The following CTNNA3 variants were observed in gnomAD, a reference collection of about 807,000 sequenced individuals.
The protein encoded by CTNNA3 is catenin alpha-3.
In CTNNA3, 76 loss-of-function variants were observed where a neutral mutation model predicts 95.7. That is an observed-to-expected ratio of 0.79 (90% CI 0.66 to 0.96). CTNNA3 has a LOEUF of 0.96. CTNNA3 is among the 40% of genes least tolerant of loss of function. CTNNA3 has a pLI of 0.00. For missense variants in CTNNA3, 1,191 were observed against 1,089.8 expected, an observed-to-expected ratio of 1.09 and a Z score of -1.31; for synonymous variants, 431 against 374.4, an observed-to-expected ratio of 1.15 and a Z score of -1.74.
intron 9 of CTNNA3, among the ~76,000 whole-genome samples, chr10:66,644,531 A>G (rs1845638709): frequency 6.6e-6 from 1 of 150,538 alleles, no homozygotes; most frequent in African/African-American, 2.4e-5. Context: ...AATGTCTGAA[A>G]TAAATTTTAG....
intron 5 of CTNNA3, among the ~76,000 whole-genome samples, chr10:67,491,737 T>G (rs1319546653): frequency 6.6e-6 from 1 of 152,180 alleles, no homozygotes; most frequent in Non-Finnish European, 1.5e-5. Context: ...CTTGAGGATA[T>G]GTTCAGATTT....
intron 14 of CTNNA3, among the ~76,000 whole-genome samples, chr10:66,079,979 C>T (rs1289689977): frequency 6.6e-6 from 1 of 151,932 alleles, no homozygotes; most frequent in Non-Finnish European, 1.5e-5. Flanking sequence ...GAGTAATATA[C>T]TACTATTATT....
At chr10:66,564,711 C>CT (rs1842653223) in intron 10 of CTNNA3, among the ~76,000 whole-genome samples, 1 of 152,110 alleles carries the variant, frequency 6.6e-6, no homozygotes, top group South Asian at 2.1e-4. Context: ...GTGCCTTTTC[C>CT]TTGAAGGACA....
At chr10:66,261,046 G>A (rs2090978445) in intron 13 of CTNNA3, among the ~76,000 whole-genome samples, 1 of 152,016 alleles carries the variant, frequency 6.6e-6, no homozygotes, top group African/African-American at 2.4e-5. Context: ...GGTTTTCCAA[G>A]TCCCTTCCTC....
chr10:66,805,597 A>C (rs1841610371), intron 7 of CTNNA3, among the ~76,000 whole-genome samples: 1 of 151,474 alleles, frequency 6.6e-6, no homozygotes, highest in Non-Finnish European at 1.5e-5. Context: ...AACATAAGGA[A>C]GGATTTTCTG....
intron 7 of CTNNA3, among the ~76,000 whole-genome samples, chr10:67,077,398 T>C (rs1028879913): frequency 1.1e-4 from 17 of 152,192 alleles, no homozygotes; most frequent in African/African-American, 4.1e-4. Context: ...GTGGCCCTGA[T>C]GGCTTTTTGA....
At chr10:66,830,770 C>T (rs1165811399) in intron 7 of CTNNA3, among the ~76,000 whole-genome samples, 2 of 151,958 alleles carry the variant, frequency 1.3e-5, no homozygotes, top group African/African-American at 4.8e-5. Flanking sequence ...CCATCACGCC[C>T]GGCTAATTTT....
chr10:67,446,277 T>A (rs1846744110), intron 5 of CTNNA3, among the ~76,000 whole-genome samples: 1 of 152,082 alleles, frequency 6.6e-6, no homozygotes, highest in Non-Finnish European at 1.5e-5. Flanking sequence ...CTCCCACCCC[T>A]ACTCCCTAGT....
At chr10:66,854,632 T>C (rs1018072384) in intron 7 of CTNNA3, among the ~76,000 whole-genome samples, 2 of 151,828 alleles carry the variant, frequency 1.3e-5, no homozygotes, top group Admixed American at 6.6e-5. Context: ...CCTTAAAAAA[T>C]GGTTAAGAAG....
chr10:66,924,477 C>T (rs560662285), intron 7 of CTNNA3, among the ~76,000 whole-genome samples: 1 of 152,166 alleles, frequency 6.6e-6, no homozygotes, highest in South Asian at 2.1e-4. Context: ...TGAAAAGAAT[C>T]GAACATTATT....
chr10:66,965,232 G>T lies in CTNNA3; in HGVS notation c.1048-189708C>A, dbSNP rs535253511. On this transcript the variant is annotated intron_variant, in intron 7 of 17. Transcript: ENST00000433211. ...GTTTAAAAAGCTGGGTTTTTTTGGG[G>T]TTTTTTTGTTTGTTTGTTTTTTGGC... 6.6e-5 allele frequency among the ~76,000 whole-genome samples: 10 copies of T among 150,716 alleles called. No homozygotes were observed. In the South Asian group the frequency reaches 8.5e-4, roughly 13 times the overall value.
chr10:67,391,754 A>G (rs1484253529), intron 5 of CTNNA3, among the ~76,000 whole-genome samples: 1 of 150,140 alleles, frequency 6.7e-6, no homozygotes, highest in Admixed American at 6.6e-5. Context: ...AACGCCGCAT[A>G]TCTACAACTA....
chr10:67,692,118 G>A (rs1232499765), intron 1 of CTNNA3, among the ~76,000 whole-genome samples: 1 of 151,106 alleles, frequency 6.6e-6, no homozygotes. Context: ...GAGGGAGGTG[G>A]GGGGTCAGCC....
intron 12 of CTNNA3, among the ~76,000 whole-genome samples, chr10:66,378,536 G>T (rs1403582906): frequency 1.3e-5 from 2 of 152,136 alleles, no homozygotes; most frequent in African/African-American, 2.4e-5. Flanking sequence ...CTTGGAGAAA[G>T]GTTAACAATA....
rs553761015 is a variant in CTNNA3, at chr10:65,997,018, A to G, written c.2160-8221T>C. Among the ~76,000 whole-genome samples, 11 of 137,144 alleles carry G rather than the reference A, an allele frequency of 8.0e-5. No individual in the cohort carries two copies. The South Asian group carries it at 2.1e-3, about 26-fold the overall frequency. The allele number at this position is 137,144 out of a possible 152,430, so 90.0% of individuals were successfully genotyped here. ...ATCTGTTTTTACAGTCTTTCCATTAATTGTGTTTTTTTTAATCCCATTATC... is the reference window on the plus strand; with the variant it reads ...ATCTGTTTTTACAGTCTTTCCATTAGTTGTGTTTTTTTTAATCCCATTATC... On this transcript the variant is annotated intron_variant, in intron 15 of 17. Transcript: ENST00000433211.
chr10:67,713,645 T>TGAAGCTG (rs1206128961), intron 1 of CTNNA3, among the ~76,000 whole-genome samples: 2 of 152,150 alleles, frequency 1.3e-5, no homozygotes, highest in African/African-American at 4.8e-5. Flanking sequence ...GGGACATGGA[T>TGAAGCTG]GAAGCTGGAA....
intron 12 of CTNNA3, among the ~76,000 whole-genome samples, chr10:66,369,707 C>T (rs917872596): frequency 1.3e-5 from 2 of 151,946 alleles, no homozygotes; most frequent in Non-Finnish European, 2.9e-5. Flanking sequence ...AAATGTTGGC[C>T]GGCTAATTTG....
At chr10:66,534,032 T>C (rs1841561924) in intron 10 of CTNNA3, among the ~76,000 whole-genome samples, 1 of 152,184 alleles carries the variant, frequency 6.6e-6, no homozygotes, top group Non-Finnish European at 1.5e-5. Flanking sequence ...AATATCCATA[T>C]TAAGCTATTC....
intron 11 of CTNNA3, among the ~76,000 whole-genome samples, chr10:66,429,308 G>A (rs369476401): frequency 2.6e-5 from 4 of 152,050 alleles, no homozygotes; most frequent in South Asian, 4.2e-4. Context: ...ATTCACAGCC[G>A]ATTTCTACCA....
Sources: allele counts gnomAD v4.1 joint callset (sites outside exome capture counted in the v4.1 genomes callset), GRCh38; gene constraint gnomAD v4.1.1; transcripts MANE v1.5; gene names NCBI Gene and HGNC (gene_info 2026-07-23, HGNC 2026-07-21).